The following PLS1 variants were observed in gnomAD, a reference collection of about 807,000 sequenced individuals.
PLS1 encodes plastin 1, also known as plastin-1.
Under a neutral mutation model 73.7 loss-of-function variants are expected in PLS1, and 32 were observed. The ratio of observed to expected loss-of-function variants is 0.43; its 90% CI spans 0.33 to 0.58. The LOEUF (loss-of-function observed/expected upper bound fraction) is 0.58, where lower values mean the gene tolerates loss of function less well. Ranked by LOEUF, PLS1 falls within the 20% of genes least tolerant of loss-of-function variation. The probability of loss-of-function intolerance (pLI) is 0.04; values close to 1 mark genes in which losing one functional copy is unlikely to be tolerated. For synonymous variants in PLS1, 217 were observed against 261.3 expected (o/e 0.83, Z 1.63); for missense variants, 633 against 740.5 (o/e 0.85, Z 1.68).
intron 1 of PLS1, among the ~76,000 whole-genome samples, chr3:142,608,623 A>C (rs536014527): frequency 1.8e-4 from 28 of 152,254 alleles, no homozygotes; most frequent in Non-Finnish European, 3.7e-4. Flanking sequence ...TGCCTGCCAG[A>C]CTCCAGAGTT....
chr3:142,613,526 G>A (rs542252032), intron 1 of PLS1, among the ~76,000 whole-genome samples: 3 of 152,146 alleles, frequency 2.0e-5, no homozygotes, highest in South Asian at 2.1e-4. Flanking sequence ...AAAAAGCTAA[G>A]TTCTGGTCTT....
chr3:142,634,178 G>T (rs2108594448), intron 1 of PLS1, among the ~76,000 whole-genome samples: 1 of 152,296 alleles, frequency 6.6e-6, no homozygotes, highest in Admixed American at 6.5e-5. Context: ...GCAGTAATTT[G>T]CATGATAACT....
intron 5 of PLS1, among the ~76,000 whole-genome samples, chr3:142,677,753 T>C (rs2107865813): frequency 6.6e-6 from 1 of 152,280 alleles, no homozygotes; most frequent in East Asian, 1.9e-4. Flanking sequence ...TCTTGGATTT[T>C]AAGAATTAAG....
chr3:142,634,314 C>A (rs890024562), intron 1 of PLS1, among the ~76,000 whole-genome samples: 2 of 152,020 alleles, frequency 1.3e-5, no homozygotes, highest in Non-Finnish European at 2.9e-5. Flanking sequence ...CCCAAAGATC[C>A]AAGATGCTCA....
chr3:142,604,811 T>C (rs2035990252), intron 1 of PLS1, among the ~76,000 whole-genome samples: 1 of 151,894 alleles, frequency 6.6e-6, no homozygotes, highest in South Asian at 2.1e-4. Flanking sequence ...GGTGGGTGCC[T>C]GTAGTCCCAG....
At chr3:142,603,084 C>T (rs1191804987) in intron 1 of PLS1, among the ~76,000 whole-genome samples, 3 of 152,130 alleles carry the variant, frequency 2.0e-5, no homozygotes, top group African/African-American at 4.8e-5. Flanking sequence ...GTGCTGCATA[C>T]GGGTTTATTG....
intron 1 of PLS1, among the ~76,000 whole-genome samples, chr3:142,640,466 A>G (rs575848454): frequency 1.1e-4 from 17 of 152,344 alleles, no homozygotes; most frequent in Admixed American, 2.0e-4. Flanking sequence ...GGCATTAATC[A>G]GAAGGCTCAG....
chr3:142,614,006 T>C (rs2036167899), intron 1 of PLS1, among the ~76,000 whole-genome samples: 1 of 152,252 alleles, frequency 6.6e-6, no homozygotes, highest in Non-Finnish European at 1.5e-5. Flanking sequence ...CAATACAGGA[T>C]ATGGCTACTT....
chr3:142,690,828 T>C (rs982417008), intron 10 of PLS1, among the ~76,000 whole-genome samples: 1 of 152,120 alleles, frequency 6.6e-6, no homozygotes, highest in African/African-American at 2.4e-5. Context: ...TTTTTCCCAC[T>C]CTCATACATA....
At chr3:142,613,293 C>T (rs576808758) in intron 1 of PLS1, among the ~76,000 whole-genome samples, 12 of 151,918 alleles carry the variant, frequency 7.9e-5, no homozygotes, top group Non-Finnish European at 1.5e-4. Flanking sequence ...GCCTGGCCAA[C>T]GTGGTGGAAC....
Position 142,669,481 on chromosome 3 carries a change from G to C in PLS1, c.162G>C (p.Glu54Asp), listed in dbSNP as rs781451589. 3 of 1,613,776 alleles carry C rather than the reference G, an allele frequency of 1.9e-6. No homozygotes were observed. In the South Asian group the frequency reaches 3.3e-5, roughly 18 times the overall value. Residue 54 changes from glutamate to aspartate, a missense_variant, in exon 3 of 16, where the codon GAG (glutamate) becomes GAC (aspartate). By Grantham distance (45) the Glu-to-Asp change is conservative. Transcript: ENST00000457734. ...CTCTGCCTGGCTACAAGGTGCGCGA[G>C]ATTGTGGAGAAAATTCTATCAGTTG... is the stretch of plus-strand genomic sequence containing the variant. ...SLPLPGYKVR[E>D]IVEKILSVAD...
chr3:142,621,254 A>G (rs1456284710), intron 1 of PLS1, among the ~76,000 whole-genome samples: 3 of 152,154 alleles, frequency 2.0e-5, no homozygotes, highest in Non-Finnish European at 2.9e-5. Flanking sequence ...CTACTGTGAC[A>G]TTTCCCAACA....
At chr3:142,707,225 G>GTA (rs1230121708) in intron 14 of PLS1, among the ~76,000 whole-genome samples, 1 of 152,078 alleles carries the variant, frequency 6.6e-6, no homozygotes, top group East Asian at 1.9e-4. Flanking sequence ...GGTGAGGGAG[G>GTA]TATTTTTCCA....
rs572386263 is a variant in PLS1 at position 142,614,162 on chromosome 3, A to G, written c.-37+17653A>G. On this transcript the variant is annotated intron_variant, in intron 1 of 15. Coordinates refer to ENST00000457734, the MANE Select transcript of PLS1 (RefSeq NM_001145319.2). ...TTTGCTATTCGTTCATGATCTGTACAATTACAGCTTCATGACTGAAGATGG... is the reference window on the plus strand; with the variant it reads ...TTTGCTATTCGTTCATGATCTGTACGATTACAGCTTCATGACTGAAGATGG... Among the ~76,000 whole-genome samples the G allele has an allele frequency of 8.5e-5, 13 of 152,344 alleles. No homozygotes were observed. The East Asian group carries it at 2.5e-3, about 29-fold the overall frequency.
In PLS1 at chr3:142,684,363, C is replaced by A. The variant is rs1171480113; in HGVS notation, c.856C>A (p.His286Asn). Residue 286 changes from histidine to asparagine, a missense_variant, in exon 8 of 16, where the codon CAT becomes AAT. His to Asn is a moderately conservative substitution (Grantham distance 68, BLOSUM62 1). Transcript: ENST00000457734. ...VNYHLTNAGWHTISNFSQDIK... is the reference protein window; with the variant it reads ...VNYHLTNAGWNTISNFSQDIK... ...CTACCATCTGACCAATGCAGGATGG[C>A]ATACCATCAGCAACTTCAGCCAAGA... 6.2e-7 allele frequency: 1 copy of A among 1,613,172 alleles called. No individual in the cohort carries two copies. Among genetic ancestry groups the A allele is most frequent in the African/African-American group, 1.3e-5 (1 of 74,892 alleles).
rs1451861582 is a variant in PLS1, at chr3:142,678,025, T to C, written c.498-7T>C. The C allele has an allele frequency of 1.4e-6, 2 of 1,449,736 alleles. No homozygotes were observed. The highest frequency in any genetic ancestry group is 1.9e-6 in the Non-Finnish European group (2 of 1,062,224). The allele number at this position is 1,449,736 out of a possible 1,614,324, so 89.8% of individuals were successfully genotyped here. Reference sequence around the variant, plus strand: ...ATTAAACTAAATTATTCTCATTTTCTCTTTAGCAAAATGATCAACTTATCT... The same window carrying C: ...ATTAAACTAAATTATTCTCATTTTCCCTTTAGCAAAATGATCAACTTATCT... On this transcript the variant is annotated splice_polypyrimidine_tract_variant and splice_region_variant and intron_variant, in intron 5 of 15. Coordinates refer to ENST00000457734, the MANE Select transcript of PLS1 (RefSeq NM_001145319.2).
chr3:142,694,935 T>A (rs951007030), intron 11 of PLS1, among the ~76,000 whole-genome samples: 2 of 152,180 alleles, frequency 1.3e-5, no homozygotes, highest in African/African-American at 4.8e-5. Context: ...TTGTGTATAT[T>A]TTTTTCTAAT....
intron 1 of PLS1, among the ~76,000 whole-genome samples, chr3:142,650,939 A>G (rs181052710): frequency 4.3e-4 from 66 of 152,204 alleles, no homozygotes; most frequent in African/African-American, 1.6e-3. Flanking sequence ...CTGAGCTGGG[A>G]AAGTCTCTGT....
intron 1 of PLS1, among the ~76,000 whole-genome samples, chr3:142,647,806 C>T (rs549267680): frequency 6.6e-6 from 1 of 152,272 alleles, no homozygotes; most frequent in South Asian, 2.1e-4. Flanking sequence ...TTCCTTGAAT[C>T]TTCTAGTCAG....
Sources: gnomAD v4.1 joint callset for allele counts (sites outside exome capture counted in the v4.1 genomes callset) on GRCh38, gnomAD v4.1.1 for gene constraint, MANE v1.5 for transcripts, NCBI Gene and HGNC (gene_info 2026-07-23, HGNC 2026-07-21) for gene names.